CEP85L: variants seen among roughly 807,000 people sequenced by gnomAD.
CEP85L encodes the protein centrosomal protein of 85 kDa-like.
CEP85L carries 60 observed loss-of-function variants against 100.3 expected under a neutral mutation model. That is an observed-to-expected ratio of 0.60 (90% confidence interval 0.49 to 0.74). The LOEUF is 0.74. Among genes scored for constraint, CEP85L ranks in the 30% least tolerant of loss-of-function variants. CEP85L has a pLI of 0.00. For synonymous variants in CEP85L, 319 were observed against 322.7 expected (o/e 0.99, Z 0.12); for missense variants, 973 against 936.2 (o/e 1.04, Z -0.51).
rs553117969 is a variant in CEP85L, at chr6:118,642,681, A to G, written c.73+8516T>C. The stretch of plus-strand genomic sequence containing the variant: ...GTAACACCAGCACTTTGGGAGGCTG[A>G]GCAGGGTGGATCACCTAAGGTCAGG... On this transcript the variant is annotated intron_variant, in intron 1 of 12. Coordinates refer to ENST00000368491, the MANE Select transcript of CEP85L (RefSeq NM_001042475.3). 9.9e-5 allele frequency among the ~76,000 whole-genome samples: 15 copies of G among 152,280 alleles called. No individual in the cohort carries two copies. The South Asian group carries it at 2.7e-3, about 27-fold the overall frequency.
intron 2 of CEP85L, among the ~76,000 whole-genome samples, chr6:118,605,712 G>A (rs1181093958): frequency 2.7e-5 from 4 of 149,578 alleles, no homozygotes; most frequent in Non-Finnish European, 5.9e-5. Context: ...TCTCATGTGT[G>A]CATTAAGAGT....
chr6:118,514,789 T>C (rs1776173580), intron 4 of CEP85L, among the ~76,000 whole-genome samples: 1 of 151,896 alleles, frequency 6.6e-6, no homozygotes, highest in Non-Finnish European at 1.5e-5. Context: ...TATATTAATA[T>C]TAGTAGAAGC....
At chr6:118,517,257 T>G (rs1241369440) in intron 4 of CEP85L, among the ~76,000 whole-genome samples, 1 of 152,220 alleles carries the variant, frequency 6.6e-6, no homozygotes, top group Non-Finnish European at 1.5e-5. Context: ...AAATTTAAAG[T>G]AGTTTTTTCT....
At chr6:118,527,357 T>C (rs1236890238) in intron 3 of CEP85L, among the ~76,000 whole-genome samples, 2 of 152,066 alleles carry the variant, frequency 1.3e-5, no homozygotes, top group African/African-American at 4.8e-5. Flanking sequence ...CTGTTTTCCT[T>C]CCCGCACAAA....
chr6:118,565,988 C>T lies in CEP85L; in HGVS notation c.561G>A (p.Gly187=). 6.2e-7 allele frequency: 1 copy of T among 1,614,198 alleles called. No individual in the cohort carries two copies. Among genetic ancestry groups the T allele is most frequent in the Non-Finnish European group, 8.5e-7 (1 of 1,180,034 alleles). The change falls in exon 3 of 13, where the codon GGG becomes GGA. Residue 187 remains glycine (G), a synonymous_variant. Transcript: ENST00000368491. ...GTTGTGATGTTAAAGCCTTAGCCTT[C>T]CCTATCTTCTCCAAACCATTCCTTG... ...EESRNGLEKI[G]KAKALTSQLR...
At chr6:118,544,373 T>A (rs1778078708) in intron 3 of CEP85L, among the ~76,000 whole-genome samples, 1 of 152,204 alleles carries the variant, frequency 6.6e-6, no homozygotes, top group Non-Finnish European at 1.5e-5. Flanking sequence ...TCATACTGCT[T>A]ATTATTACAC....
In CEP85L at chr6:118,624,836, T is replaced by C. The variant is rs1773679491; in HGVS notation, c.232+7617A>G. On this transcript the variant is annotated intron_variant, in intron 2 of 12. Coordinates refer to ENST00000368491, the MANE Select transcript of CEP85L (RefSeq NM_001042475.3). The stretch of plus-strand genomic sequence containing the variant: ...ACATGTCCAACAAGTAATTAAAAAC[T>C]TGATCCAACCATCTAACACTCCAAG... Among the ~76,000 whole-genome samples the C allele has an allele frequency of 2.0e-5, 3 of 152,328 alleles. No individual in the cohort carries two copies. In the South Asian group the frequency reaches 6.2e-4, roughly 32 times the overall value.
intron 6 of CEP85L, among the ~76,000 whole-genome samples, chr6:118,487,296 G>A (rs1201093437): frequency 6.6e-6 from 1 of 152,144 alleles, no homozygotes; most frequent in Non-Finnish European, 1.5e-5. Flanking sequence ...AGGAAGATTG[G>A]CAGAACCTAT....
intron 10 of CEP85L, among the ~76,000 whole-genome samples, chr6:118,471,239 C>T (rs1364203371): frequency 6.6e-6 from 1 of 152,140 alleles, no homozygotes; most frequent in Middle Eastern, 3.4e-3. Flanking sequence ...AGACATGACA[C>T]TATTGTGAGT....
intron 3 of CEP85L, among the ~76,000 whole-genome samples, chr6:118,536,147 C>G (rs1277270116): frequency 6.6e-6 from 1 of 152,108 alleles, no homozygotes; most frequent in South Asian, 2.1e-4. Context: ...GAAGTATACA[C>G]TAGAATACTA....
intron 2 of CEP85L, among the ~76,000 whole-genome samples, chr6:118,592,242 C>T (rs1004013557): frequency 6.6e-6 from 1 of 151,688 alleles, no homozygotes; most frequent in Non-Finnish European, 1.5e-5. Context: ...AAGAACAGGG[C>T]TTGGGGCTAA....
intron 3 of CEP85L, among the ~76,000 whole-genome samples, chr6:118,550,811 T>C (rs1424085052): frequency 6.6e-6 from 1 of 151,924 alleles, no homozygotes; most frequent in African/African-American, 2.4e-5. Flanking sequence ...ACTTCTATTT[T>C]AATTAAAAGC....
At chr6:118,473,776 T>C (rs897700359) in intron 10 of CEP85L, among the ~76,000 whole-genome samples, 2 of 152,064 alleles carry the variant, frequency 1.3e-5, no homozygotes, top group Non-Finnish European at 2.9e-5. Flanking sequence ...CTAGACATAC[T>C]TTCAAGGTAG....
intron 2 of CEP85L, among the ~76,000 whole-genome samples, chr6:118,574,415 G>A (rs181722957): frequency 2.0e-5 from 3 of 152,304 alleles, no homozygotes; most frequent in South Asian, 4.1e-4. Flanking sequence ...GATCGTTACT[G>A]ACGCAGGCAC....
At chr6:118,471,891 G>T (rs1405404704) in intron 10 of CEP85L, among the ~76,000 whole-genome samples, 1 of 151,664 alleles carries the variant, frequency 6.6e-6, no homozygotes, top group African/African-American at 2.4e-5. Context: ...AACATGGAGA[G>T]TTATTTACCT....
intron 1 of CEP85L, among the ~76,000 whole-genome samples, chr6:118,706,048 C>T (rs948329436): frequency 7.2e-5 from 11 of 152,286 alleles, no homozygotes; most frequent in South Asian, 2.1e-4. Context: ...AGAAGTATCA[C>T]GGCCGTCTAT....
chr6:118,510,230 A>C (rs1775887946), intron 5 of CEP85L, among the ~76,000 whole-genome samples: 1 of 150,756 alleles, frequency 6.6e-6, no homozygotes, highest in African/African-American at 2.4e-5. Flanking sequence ...TACTCATTAG[A>C]ATCAGACCTC....
intron 5 of CEP85L, among the ~76,000 whole-genome samples, chr6:118,494,082 A>T (rs923476949): frequency 6.6e-6 from 1 of 152,244 alleles, no homozygotes; most frequent in South Asian, 2.1e-4. Flanking sequence ...CTGGAAAAAA[A>T]GGATAGGTAG....
intron 2 of CEP85L, among the ~76,000 whole-genome samples, chr6:118,577,808 G>GA (rs1562278537): frequency 6.6e-6 from 1 of 152,124 alleles, no homozygotes. Flanking sequence ...TAGTCTCACG[G>GA]AAAAATGGTT....
Sources: gnomAD v4.1 joint callset for allele counts (sites outside exome capture counted in the v4.1 genomes callset) on GRCh38, gnomAD v4.1.1 for gene constraint, MANE v1.5 for transcripts, NCBI Gene and HGNC (gene_info 2026-07-23, HGNC 2026-07-21) for gene names.